Variants in BTBD9 observed in about 807,000 individuals in gnomAD.
The protein encoded by BTBD9 is BTB/POZ domain-containing protein 9.
BTBD9 carries 49 observed loss-of-function variants against 64.3 expected under a neutral mutation model. The ratio of observed to expected loss-of-function variants is 0.76; its 90% CI spans 0.61 to 0.97. The LOEUF (loss-of-function observed/expected upper bound fraction) is 0.97, where lower values mean the gene tolerates loss of function less well. Among genes scored for constraint, BTBD9 ranks in the 50% least tolerant of loss-of-function variants. The probability of loss-of-function intolerance (pLI) is 0.00; values close to 1 mark genes in which losing one functional copy is unlikely to be tolerated. For synonymous variants in BTBD9, 260 were observed against 274.7 expected (o/e 0.95, Z 0.53); for missense variants, 598 against 762.1 (o/e 0.78, Z 2.53).
intron 6 of BTBD9, among the ~76,000 whole-genome samples, chr6:38,418,014 A>T (rs1020101432): frequency 8.5e-5 from 13 of 152,178 alleles, no homozygotes; most frequent in African/African-American, 3.1e-4. Context: ...GAAAGAAAGC[A>T]GCTGAACAAT....
intron 6 of BTBD9, among the ~76,000 whole-genome samples, chr6:38,475,869 TTC>T (rs1218157639): frequency 6.6e-6 from 1 of 151,814 alleles, no homozygotes; most frequent in African/African-American, 2.4e-5. Context: ...TCCAGAGAGA[TTC>T]TCTGAGAGTC....
chr6:38,553,286 C>T (rs1283274037), intron 6 of BTBD9, among the ~76,000 whole-genome samples: 1 of 152,196 alleles, frequency 6.6e-6, no homozygotes, highest in East Asian at 1.9e-4. Flanking sequence ...TGGATTACCA[C>T]ACCATGATGG....
At chr6:38,543,594 T>C (rs1432310131) in intron 6 of BTBD9, among the ~76,000 whole-genome samples, 1 of 152,192 alleles carries the variant, frequency 6.6e-6, no homozygotes, top group Admixed American at 6.5e-5. Flanking sequence ...TGGCATGCCA[T>C]GACAGAGTTC....
At chr6:38,557,375 G>C (rs2127453763) in intron 6 of BTBD9, among the ~76,000 whole-genome samples, 1 of 152,132 alleles carries the variant, frequency 6.6e-6, no homozygotes, top group East Asian at 1.9e-4. Flanking sequence ...ATAATAAAAA[G>C]ACCTTTAGAG....
In BTBD9 at chr6:38,567,342, T is replaced by G. The variant is rs16890817; in HGVS notation, c.1154+10258A>C. Among the ~76,000 whole-genome samples, 660 of 152,306 alleles carry G rather than the reference T, an allele frequency of 4.3e-3. 9 individuals carry two copies. Among genetic ancestry groups the G allele is most frequent in the African/African-American group, 0.015 (621 of 41,568 alleles). On this transcript the variant is annotated intron_variant, in intron 6 of 10. Transcript: ENST00000481247. ...AAATTAAACCTATAGCTTCTTATCA[T>G]GAAGGACATATTCATGTGTATATAT...
intron 10 of BTBD9, among the ~76,000 whole-genome samples, chr6:38,176,237 GAATC>G (rs1276933635): frequency 1.3e-5 from 2 of 152,232 alleles, no homozygotes; most frequent in East Asian, 3.8e-4. Flanking sequence ...TTCTACCGTA[GAATC>G]AAGTTCACAG....
intron 1 of BTBD9, among the ~76,000 whole-genome samples, chr6:38,632,557 A>G (rs1322122119): frequency 1.3e-5 from 2 of 152,240 alleles, no homozygotes; most frequent in African/African-American, 4.8e-5. Flanking sequence ...TGACTTTACT[A>G]AAATGTAAAC....
intron 7 of BTBD9, among the ~76,000 whole-genome samples, chr6:38,332,760 T>C (rs895500886): frequency 6.6e-6 from 1 of 152,214 alleles, no homozygotes; most frequent in African/African-American, 2.4e-5. Flanking sequence ...TACATTAAAA[T>C]GGGAAGAACC....
chr6:38,586,309 C>T (rs1339539063), intron 4 of BTBD9, among the ~76,000 whole-genome samples: 5 of 151,910 alleles, frequency 3.3e-5, no homozygotes, highest in African/African-American at 4.8e-5. Flanking sequence ...CTTTCCCCAG[C>T]TGTATAGAAA....
At chr6:38,617,096 G>A (rs1027089275) in intron 1 of BTBD9, among the ~76,000 whole-genome samples, 7 of 152,118 alleles carry the variant, frequency 4.6e-5, no homozygotes, top group East Asian at 1.9e-4. Flanking sequence ...TGCGGCCACC[G>A]GACTAAAGAC....
At chr6:38,493,818 A>G (rs1771807828) in intron 6 of BTBD9, among the ~76,000 whole-genome samples, 1 of 152,220 alleles carries the variant, frequency 6.6e-6, no homozygotes, top group Admixed American at 6.5e-5. Flanking sequence ...AAACAGGGAA[A>G]TTGGTTTTAG....
intron 6 of BTBD9, among the ~76,000 whole-genome samples, chr6:38,349,934 C>G (rs1467003466): frequency 6.6e-6 from 1 of 152,154 alleles, no homozygotes; most frequent in African/African-American, 2.4e-5. Context: ...TGTTCTTGAC[C>G]TGTCTTAGCT....
intron 7 of BTBD9, among the ~76,000 whole-genome samples, chr6:38,314,246 A>C (rs1762953861): frequency 6.6e-6 from 1 of 151,774 alleles, no homozygotes; most frequent in Non-Finnish European, 1.5e-5. Flanking sequence ...CCCAGGCTGC[A>C]GCACAGTGGG....
At chr6:38,301,160 G>A (rs1427433125) in intron 7 of BTBD9, among the ~76,000 whole-genome samples, 1 of 152,156 alleles carries the variant, frequency 6.6e-6, no homozygotes, top group East Asian at 1.9e-4. Flanking sequence ...GCTGGATTAT[G>A]TTTATTGATT....
intron 10 of BTBD9, among the ~76,000 whole-genome samples, chr6:38,182,777 C>G (rs567600531): frequency 6.6e-6 from 1 of 152,212 alleles, no homozygotes; most frequent in Admixed American, 6.5e-5. Context: ...CTCCTGGGTA[C>G]TCATCTGCCC....
chr6:38,333,522 G>A (rs562480357), intron 7 of BTBD9, among the ~76,000 whole-genome samples: 5 of 152,084 alleles, frequency 3.3e-5, no homozygotes, highest in Non-Finnish European at 7.4e-5. Flanking sequence ...TGAATCATGG[G>A]GTCAGACCTC....
intron 8 of BTBD9, among the ~76,000 whole-genome samples, chr6:38,257,361 C>T (rs1300762228): frequency 2.1e-4 from 31 of 151,012 alleles, no homozygotes; most frequent in Admixed American, 2.0e-3. Context: ...CCATGCCTGG[C>T]TATTTTTAAA....
chr6:38,380,681 G>C (rs1765890597), intron 6 of BTBD9, among the ~76,000 whole-genome samples: 1 of 152,026 alleles, frequency 6.6e-6, no homozygotes, highest in African/African-American at 2.4e-5. Context: ...GAAAAGGAAA[G>C]AGTTTTTTTA....
chr6:38,295,540 A>C (rs1230961849), intron 7 of BTBD9, among the ~76,000 whole-genome samples: 2 of 152,022 alleles, frequency 1.3e-5, no homozygotes, highest in African/African-American at 4.8e-5. Flanking sequence ...TTCTCCTACA[A>C]TTTCTCAAAC....
Sources: gnomAD v4.1 joint callset for allele counts (sites outside exome capture counted in the v4.1 genomes callset) on GRCh38, gnomAD v4.1.1 for gene constraint, MANE v1.5 for transcripts, NCBI Gene and HGNC (gene_info 2026-07-23, HGNC 2026-07-21) for gene names.